Variants in PDE8B observed in about 807,000 individuals in gnomAD.
PDE8B encodes the protein high affinity cAMP-specific and IBMX-insensitive 3',5'-cyclic phosphodiesterase 8B.
PDE8B carries 26 observed loss-of-function variants against 101.3 expected under a neutral mutation model. The ratio of observed to expected loss-of-function variants is 0.26; its 90% confidence interval spans 0.19 to 0.36. The LOEUF is 0.36. Among genes scored for constraint, PDE8B ranks in the 10% least tolerant of loss-of-function variants. PDE8B has a pLI of 1.00. For missense variants in PDE8B, 810 were observed against 1,163.1 expected (o/e 0.70, Z 4.42); for synonymous variants, 424 against 429.3 (o/e 0.99, Z 0.15).
At chr5:77,279,810 T>C (rs745896263) in intron 1 of PDE8B, among the ~76,000 whole-genome samples, 1 of 152,020 alleles carries the variant, frequency 6.6e-6, no homozygotes, top group African/African-American at 2.4e-5. Flanking sequence ...TGAACCAACT[T>C]TGGGTTTTCT....
At chr5:77,220,105 A>T (rs1750764233) in intron 1 of PDE8B, among the ~76,000 whole-genome samples, 1 of 151,908 alleles carries the variant, frequency 6.6e-6, no homozygotes, top group Non-Finnish European at 1.5e-5. Context: ...CAGTTTCAGG[A>T]CCCCTCCTCA....
At chr5:77,204,050 G>GTTTTTTTTTTTT in the PDE8B span, among the ~76,000 whole-genome samples, 1 of 113,620 alleles carries the variant, frequency 8.8e-6, no homozygotes, top group African/African-American at 3.5e-5. Context: ...TGTACCCTTA[G>GTTTTTTTTTTTT]TTTTTTTTTT....
intron 1 of PDE8B, among the ~76,000 whole-genome samples, chr5:77,235,733 C>T (rs1017314567): frequency 2.7e-5 from 4 of 150,674 alleles, no homozygotes; most frequent in Non-Finnish European, 4.4e-5. Flanking sequence ...CACCTTCATT[C>T]GTCTATTTGT....
chr5:77,360,252 G>GT (rs769289844), intron 10 of PDE8B, among the ~76,000 whole-genome samples: 19 of 91,022 alleles, frequency 2.1e-4, no homozygotes, highest in Non-Finnish European at 3.3e-4. Context: ...TGGGAGGAGG[G>GT]TTTTTTCCCG....
At chr5:77,359,034 T>G (rs1782629067) in intron 10 of PDE8B, among the ~76,000 whole-genome samples, 1 of 152,098 alleles carries the variant, frequency 6.6e-6, no homozygotes, top group African/African-American at 2.4e-5. Context: ...GAAACCACGT[T>G]TGGAACAGCC....
intron 16 of PDE8B, 129 bp from the exon 17 acceptor site, chr5:77,412,982 G>T: frequency 2.5e-6 from 2 of 794,116 alleles, no homozygotes; most frequent in Non-Finnish European, 4.5e-6. Context: ...TAGAGGAGAT[G>T]CTTTTAAACC....
intron 5 of PDE8B, among the ~76,000 whole-genome samples, chr5:77,335,157 G>C (rs900479443): frequency 9.9e-5 from 15 of 152,132 alleles, no homozygotes; most frequent in Admixed American, 9.2e-4. Context: ...AGAAATGACT[G>C]TGTATTATTT....
chr5:77,331,283 C>T (rs368694056), intron 4 of PDE8B, 119 bp from the exon 5 acceptor site: 21 of 879,970 alleles, frequency 2.4e-5, no homozygotes, highest in African/African-American at 1.8e-4. Flanking sequence ...GGCACGTGCT[C>T]GTCAGGAAGC....
At chr5:77,408,393 TTA>T (rs1396049423) in intron 13 of PDE8B, among the ~76,000 whole-genome samples, 1 of 152,078 alleles carries the variant, frequency 6.6e-6, no homozygotes, top group Non-Finnish European at 1.5e-5. Context: ...TTGTGTGTGT[TTA>T]TGTGATTTCT....
chr5:77,374,766 C>T (rs1024832329), intron 10 of PDE8B, among the ~76,000 whole-genome samples: 1 of 152,096 alleles, frequency 6.6e-6, no homozygotes, highest in Admixed American at 6.5e-5. Flanking sequence ...TACTATGTAC[C>T]CAAGTATTTG....
chr5:77,309,943 CTTTTTTTT>C (rs955296324), intron 1 of PDE8B, among the ~76,000 whole-genome samples: 4 of 114,168 alleles, frequency 3.5e-5, no homozygotes, highest in East Asian at 5.3e-4. Context: ...AATCATTAAT[CTTTTTTTT>C]TTTTTTTTTT....
the PDE8B span, among the ~76,000 whole-genome samples, chr5:77,150,055 T>G: frequency 6.6e-6 from 1 of 152,218 alleles, no homozygotes; most frequent in Non-Finnish European, 1.5e-5. Context: ...GCAGAGCTTA[T>G]GATGCACTGA....
intron 1 of PDE8B, among the ~76,000 whole-genome samples, chr5:77,295,236 A>G (rs1768259733): frequency 6.6e-6 from 1 of 151,728 alleles, no homozygotes; most frequent in Non-Finnish European, 1.5e-5. Context: ...ACCCTCAAAT[A>G]TAAGAACCAC....
At chr5:77,322,471 A>G (rs1457956514) in intron 2 of PDE8B, among the ~76,000 whole-genome samples, 1 of 152,188 alleles carries the variant, frequency 6.6e-6, no homozygotes, top group Non-Finnish European at 1.5e-5. Flanking sequence ...AGGCCTTATC[A>G]TGGTCTAGCC....
At position 77,345,941 on chromosome 5, in the gene PDE8B, A is replaced by G. The variant is rs560211934; in HGVS notation, c.876+1010A>G. ...GTTCTCATACCAGACCAATGACATC[A>G]ATAGCCCACCCTGCCTAGGCCCTGT... On this transcript the variant is annotated intron_variant, in intron 7 of 21. Transcript: ENST00000264917. 2.0e-4 allele frequency among the ~76,000 whole-genome samples: 30 copies of G among 152,238 alleles called. No individual in the cohort carries two copies. In the South Asian group the frequency reaches 5.8e-3, roughly 30 times the overall value.
At chr5:77,426,255 G>A in intron 21 of PDE8B, 190 bp from the exon 22 acceptor site, 2 of 633,520 alleles carry the variant, frequency 3.2e-6, no homozygotes, top group South Asian at 3.7e-5. Flanking sequence ...TAATGTCACT[G>A]ATAAGCAGCT....
chr5:77,236,148 C>A (rs1007228234), intron 1 of PDE8B, among the ~76,000 whole-genome samples: 1 of 152,186 alleles, frequency 6.6e-6, no homozygotes, highest in Non-Finnish European at 1.5e-5. Flanking sequence ...AGGAGGAATA[C>A]CCCAGACAGT....
intron 10 of PDE8B, among the ~76,000 whole-genome samples, chr5:77,386,527 T>C (rs530614195): frequency 2.6e-5 from 4 of 152,360 alleles, no homozygotes; most frequent in East Asian, 3.9e-4. Context: ...TTTACCATTA[T>C]GTAATGGCCT....
At chr5:77,188,122 G>A in the PDE8B span, among the ~76,000 whole-genome samples, 3 of 152,228 alleles carry the variant, frequency 2.0e-5, no homozygotes, top group Non-Finnish European at 2.9e-5. Flanking sequence ...ATTGAAATAG[G>A]AAAATTAACT....
Sources: allele counts gnomAD v4.1 joint callset (sites outside exome capture counted in the v4.1 genomes callset), GRCh38; gene constraint gnomAD v4.1.1; transcripts MANE v1.5; gene names NCBI Gene and HGNC (gene_info 2026-07-23, HGNC 2026-07-21).